The following TYW1B variants were observed in gnomAD, a reference collection of about 807,000 sequenced individuals.
TYW1B encodes the protein S-adenosyl-L-methionine-dependent tRNA 4-demethylwyosine synthase TYW1B.
Under a neutral mutation model 86.9 loss-of-function variants are expected in TYW1B, and 73 were observed. The ratio of observed to expected loss-of-function variants is 0.84; its 90% confidence interval spans 0.70 to 1.02. The LOEUF is 1.02. Ranked by LOEUF, TYW1B falls within the 50% of genes least tolerant of loss-of-function variation. TYW1B has a pLI of 0.00. For synonymous variants in TYW1B, 248 were observed against 292.8 expected (o/e 0.85, Z 1.56); for missense variants, 637 against 827.4 (o/e 0.77, Z 2.82).
At chr7:72,782,592 C>G (rs1788067475) in intron 6 of TYW1B, among the ~76,000 whole-genome samples, 1 of 152,044 alleles carries the variant, frequency 6.6e-6, no homozygotes. Flanking sequence ...AAAAGGTTGA[C>G]TAGGCCAGTT....
At chr7:72,591,731 A>G (rs1174109707) in intron 13 of TYW1B, among the ~76,000 whole-genome samples, 2 of 152,218 alleles carry the variant, frequency 1.3e-5, no homozygotes, top group African/African-American at 4.8e-5. Flanking sequence ...AAGCTGCATG[A>G]AGAAGTAAAG....
chr7:72,743,393 T>C (rs1787338300), intron 8 of TYW1B, among the ~76,000 whole-genome samples: 1 of 152,182 alleles, frequency 6.6e-6, no homozygotes, highest in Non-Finnish European at 1.5e-5. Context: ...CTAGCATGCC[T>C]CACTGGAGTT....
chr7:72,726,336 A>T (rs1385753887), intron 9 of TYW1B, among the ~76,000 whole-genome samples: 1 of 152,120 alleles, frequency 6.6e-6, no homozygotes, highest in Non-Finnish European at 1.5e-5. Flanking sequence ...AAATTCATAA[A>T]GAATAAAAGT....
chr7:72,792,370 A>G (rs1267645702), intron 6 of TYW1B, among the ~76,000 whole-genome samples: 5 of 152,144 alleles, frequency 3.3e-5, no homozygotes, highest in Admixed American at 3.3e-4. Flanking sequence ...AGAAAAAAGA[A>G]AGAAAAAATG....
chr7:72,705,755 A>G (rs1351340100), intron 10 of TYW1B, among the ~76,000 whole-genome samples: 1 of 152,176 alleles, frequency 6.6e-6, no homozygotes, highest in Non-Finnish European at 1.5e-5. Flanking sequence ...TCCACAAGAT[A>G]AGAACAAACC....
chr7:72,694,655 T>C lies in TYW1B; in HGVS notation c.1506+32A>G, dbSNP rs548178584. ...AACTTCAGTACACACCTGAGGGTTG[T>C]TTATTTATTTTTAAGATGTCATAAT... On this transcript the variant is annotated intron_variant, in intron 11 of 13. Transcript: ENST00000620995. 68 of 1,584,770 alleles carry C rather than the reference T, an allele frequency of 4.3e-5. 1 individual carries two copies. The highest frequency in any genetic ancestry group is 9.6e-5 in the African/African-American group (7 of 72,938).
intron 13 of TYW1B, among the ~76,000 whole-genome samples, chr7:72,613,694 G>A (rs1457556173): frequency 6.6e-6 from 1 of 152,016 alleles, no homozygotes; most frequent in African/African-American, 2.4e-5. Flanking sequence ...TTACAGGCAT[G>A]AGCCACTGCG....
chr7:72,732,875 A>G (rs1554460188), intron 8 of TYW1B, among the ~76,000 whole-genome samples: 1 of 152,128 alleles, frequency 6.6e-6, no homozygotes, highest in Non-Finnish European at 1.5e-5. Flanking sequence ...AAGAAAAAAA[A>G]AGATCCAAAT....
chr7:72,730,463 T>C (rs1249672021), intron 8 of TYW1B, among the ~76,000 whole-genome samples: 1 of 138,518 alleles, frequency 7.2e-6, no homozygotes, highest in Non-Finnish European at 1.5e-5. Flanking sequence ...TTCAACAACA[T>C]ACTAGATCAA....
intron 11 of TYW1B, among the ~76,000 whole-genome samples, chr7:72,683,700 C>T (rs1488727802): frequency 1.3e-5 from 2 of 152,158 alleles, no homozygotes; most frequent in South Asian, 2.1e-4. Context: ...CAGGATATCA[C>T]ATTCAGTAAC....
intron 1 of TYW1B, among the ~76,000 whole-genome samples, chr7:72,827,365 G>T (rs782567144): frequency 1.3e-5 from 2 of 152,124 alleles, no homozygotes; most frequent in African/African-American, 2.4e-5. Flanking sequence ...CCAAGATTGC[G>T]CCACCGCACT....
chr7:72,779,399 T>G (rs2687019), intron 6 of TYW1B, among the ~76,000 whole-genome samples: 2 of 152,262 alleles, frequency 1.3e-5, no homozygotes, highest in Non-Finnish European at 2.9e-5. Context: ...ATTCGATGTC[T>G]CCCATATATA....
rs1334925275 is a variant in TYW1B at position 72,635,226 on chromosome 7, ATTG to A, written c.1507-6232_1507-6230del. Reference sequence around the variant, plus strand: ...CCACTGTAATAAATATGATAGAATCATTGTCTATGCATGTGAGGGTCTCCTTCT... The same window carrying A: ...CCACTGTAATAAATATGATAGAATCATCTATGCATGTGAGGGTCTCCTTCT... On this transcript the variant is annotated intron_variant, in intron 11 of 13. Coordinates refer to ENST00000620995, the MANE Select transcript of TYW1B (RefSeq NM_001145440.3). 5.9e-5 allele frequency among the ~76,000 whole-genome samples: 9 copies of A among 152,312 alleles called. No homozygotes were observed. In the East Asian group the frequency reaches 1.7e-3, roughly 29 times the overall value.
At chr7:72,650,580 T>C (rs1554442647) in intron 11 of TYW1B, among the ~76,000 whole-genome samples, 1 of 152,160 alleles carries the variant, frequency 6.6e-6, no homozygotes, top group Non-Finnish European at 1.5e-5. Flanking sequence ...ATAAGTGCTA[T>C]AAATTCATCT....
chr7:72,587,409 G>A (rs1193441406), intron 13 of TYW1B, among the ~76,000 whole-genome samples: 4 of 152,160 alleles, frequency 2.6e-5, no homozygotes, highest in African/African-American at 9.7e-5. Context: ...GTGTCCCTGA[G>A]CATTCAGGGA....
chr7:72,810,356 G>A, intron 4 of TYW1B, 115 bp downstream of exon 4: 1 of 1,007,900 alleles, frequency 9.9e-7, no homozygotes, highest in Non-Finnish European at 1.4e-6. Flanking sequence ...TCACATACAT[G>A]TGTGTTTATG....
intron 9 of TYW1B, among the ~76,000 whole-genome samples, chr7:72,719,652 A>C (rs1786858177): frequency 6.6e-6 from 1 of 150,436 alleles, no homozygotes; most frequent in South Asian, 2.1e-4. Flanking sequence ...AAAAAAAAAA[A>C]AGAAGGTGAT....
At chr7:72,786,394 A>C (rs1788129594) in intron 6 of TYW1B, among the ~76,000 whole-genome samples, 1 of 152,134 alleles carries the variant, frequency 6.6e-6, no homozygotes, top group South Asian at 2.1e-4. Flanking sequence ...CTTAAAGCTC[A>C]TAAAGCCCAA....
intron 7 of TYW1B, among the ~76,000 whole-genome samples, chr7:72,758,080 C>G (rs1461202571): frequency 1.3e-5 from 2 of 152,034 alleles, no homozygotes; most frequent in Non-Finnish European, 2.9e-5. Context: ...ATTAGCCAGT[C>G]GTGGTGGCGT....
Sources: allele counts gnomAD v4.1 joint callset (sites outside exome capture counted in the v4.1 genomes callset), GRCh38; gene constraint gnomAD v4.1.1; transcripts MANE v1.5; gene names NCBI Gene and HGNC (gene_info 2026-07-23, HGNC 2026-07-21).